Variants in CASQ2 observed in about 807,000 individuals in gnomAD.
The protein encoded by CASQ2 is calsequestrin-2.
In CASQ2, 49 loss-of-function variants were observed where a neutral mutation model predicts 46.5. The ratio of observed to expected loss-of-function variants is 1.05; its 90% CI spans 0.84 to 1.34. The LOEUF is 1.34. CASQ2 is among the 40% of genes most tolerant of loss of function. The pLI, the probability that CASQ2 is intolerant of heterozygous loss-of-function variation, is 0.00. For synonymous variants in CASQ2, 174 were observed against 168.5 expected, an observed-to-expected ratio of 1.03 and a Z score of -0.25; for missense variants, 486 against 481.3, an observed-to-expected ratio of 1.01 and a Z score of -0.09.
intron 1 of CASQ2, among the ~76,000 whole-genome samples, chr1:115,751,724 G>A (rs1253957717): frequency 1.3e-5 from 2 of 152,070 alleles, no homozygotes; most frequent in African/African-American, 2.4e-5. Context: ...AAAAAATAAG[G>A]GCTGTGGAGA....
At chr1:115,745,820 T>C (rs1648367454) in intron 1 of CASQ2, among the ~76,000 whole-genome samples, 1 of 152,200 alleles carries the variant, frequency 6.6e-6, no homozygotes, top group South Asian at 2.1e-4. Flanking sequence ...CAGAGAGATA[T>C]CTTGTACATT....
chr1:115,729,349 G>A (rs1262076039), intron 5 of CASQ2, among the ~76,000 whole-genome samples: 2 of 151,952 alleles, frequency 1.3e-5, no homozygotes, highest in East Asian at 1.9e-4. Context: ...CACTGCGCCC[G>A]ACCCCCTCTT....
At chr1:115,741,162 C>T (rs1648162988) in intron 2 of CASQ2, among the ~76,000 whole-genome samples, 1 of 152,212 alleles carries the variant, frequency 6.6e-6, no homozygotes, top group Admixed American at 6.5e-5. Context: ...GCCCACCTGA[C>T]TCCTTAACCT....
At chr1:115,717,953 C>A (rs1647224526) in intron 7 of CASQ2, 59 bp from the exon 8 acceptor site, 1 of 1,179,548 alleles carries the variant, frequency 8.5e-7, no homozygotes, top group Non-Finnish European at 1.3e-6. Context: ...AAGGACTGAG[C>A]CAGGGACAGG....
chr1:115,756,358 A>T (rs947852695), intron 1 of CASQ2, among the ~76,000 whole-genome samples: 1 of 152,202 alleles, frequency 6.6e-6, no homozygotes, highest in African/African-American at 2.4e-5. Flanking sequence ...ATAAAAAGGG[A>T]AGCCTTAGAG....
intron 1 of CASQ2, among the ~76,000 whole-genome samples, chr1:115,747,310 C>T (rs943345419): frequency 6.6e-6 from 1 of 152,118 alleles, no homozygotes; most frequent in Non-Finnish European, 1.5e-5. Context: ...TGTGGTTTCT[C>T]GATTCTGTTC....
intron 6 of CASQ2, 31 bp downstream of exon 6, chr1:115,726,961 G>GCCCCCCCCCCCCCCCCCCCCCCC: frequency 2.9e-6 from 4 of 1,358,418 alleles, no homozygotes; most frequent in East Asian, 2.5e-5. Flanking sequence ...CAGACCCCAG[G>GCCCCCCCCCCCCCCCCCCCCCCC]CCCCCAGCCC....
intron 8 of CASQ2, among the ~76,000 whole-genome samples, chr1:115,708,144 T>A (rs1293838442): frequency 6.6e-6 from 1 of 152,122 alleles, no homozygotes; most frequent in East Asian, 1.9e-4. Context: ...GCAAGAAAAA[T>A]CAAATGGGTT....
At chr1:115,736,353 T>C (rs1647959281) in intron 4 of CASQ2, among the ~76,000 whole-genome samples, 1 of 151,744 alleles carries the variant, frequency 6.6e-6, no homozygotes, top group African/African-American at 2.4e-5. Context: ...AGCTATATCC[T>C]GGGTTGGGCA....
chr1:115,716,770 T>C (rs1220250976), intron 8 of CASQ2, among the ~76,000 whole-genome samples: 1 of 152,212 alleles, frequency 6.6e-6, no homozygotes, highest in Non-Finnish European at 1.5e-5. Context: ...TCTGGCCCAC[T>C]TCTCTTCACT....
At chr1:115,714,241 A>G (rs1047579807) in intron 8 of CASQ2, among the ~76,000 whole-genome samples, 1 of 152,204 alleles carries the variant, frequency 6.6e-6, no homozygotes, top group African/African-American at 2.4e-5. Context: ...ATATAAGTAC[A>G]CAGTAAGTGA....
intron 7 of CASQ2, among the ~76,000 whole-genome samples, chr1:115,722,939 T>C (rs1388614047): frequency 1.3e-5 from 2 of 151,900 alleles, no homozygotes; most frequent in Non-Finnish European, 2.9e-5. Context: ...TCCCAGCTAC[T>C]TGGGAGGCTG....
At chr1:115,747,515 AT>A (rs1037336389) in intron 1 of CASQ2, among the ~76,000 whole-genome samples, 30 of 152,350 alleles carry the variant, frequency 2.0e-4, no homozygotes, top group African/African-American at 2.4e-4. Flanking sequence ...ACAAAAAAAA[AT>A]ATTACTAGAA....
At chr1:115,715,436 T>G (rs139813749) in intron 8 of CASQ2, among the ~76,000 whole-genome samples, 1 of 152,354 alleles carries the variant, frequency 6.6e-6, no homozygotes, top group African/African-American at 2.4e-5. Flanking sequence ...AACATCATGC[T>G]AAGTGAAAGA....
chr1:115,737,771 G>A lies in CASQ2; in HGVS notation c.532+453C>T, dbSNP rs555781962. On this transcript the variant is annotated intron_variant, in intron 4 of 10. Transcript: ENST00000261448. ...GTGGTCAGCTGTGGGCTTGGCCAGC[G>A]ATTTTTCACATTCTGTAGCCACTGC... Among the ~76,000 whole-genome samples the A allele has an allele frequency of 3.1e-4, 47 of 152,250 alleles. 1 individual carries two copies. The South Asian group carries it at 8.3e-3, about 27-fold the overall frequency.
intron 3 of CASQ2, among the ~76,000 whole-genome samples, chr1:115,739,045 A>ATGAT (rs1199583374): frequency 7.8e-6 from 1 of 128,280 alleles, no homozygotes; most frequent in Non-Finnish European, 1.7e-5. Context: ...ATAGTTGCAA[A>ATGAT]TGATAGTTTT....
intron 3 of CASQ2, among the ~76,000 whole-genome samples, chr1:115,739,408 C>T (rs779274330): frequency 6.6e-6 from 1 of 152,146 alleles, no homozygotes; most frequent in Non-Finnish European, 1.5e-5. Flanking sequence ...AGCCACCACG[C>T]TCCGCCATGT....
chr1:115,738,174 T>C (rs1174351493), intron 4 of CASQ2, 50 bp downstream of exon 4: 4 of 1,130,544 alleles, frequency 3.5e-6, no homozygotes, highest in Non-Finnish European at 4.1e-6. Flanking sequence ...ACATACCTTG[T>C]TTGGAATCTA....
At chr1:115,726,716 C>T (rs1647604919) in intron 6 of CASQ2, among the ~76,000 whole-genome samples, 1 of 152,158 alleles carries the variant, frequency 6.6e-6, no homozygotes, top group African/African-American at 2.4e-5. Context: ...TGCTCTCATT[C>T]CTAGTATAGA....
Sources: allele counts gnomAD v4.1 joint callset (sites outside exome capture counted in the v4.1 genomes callset), GRCh38; gene constraint gnomAD v4.1.1; transcripts MANE v1.5; gene names NCBI Gene and HGNC (gene_info 2026-07-23, HGNC 2026-07-21).